KHDRBS2: variants seen among roughly 807,000 people sequenced by gnomAD.
KHDRBS2 encodes the protein KH RNA binding domain containing, signal transduction associated 2, also known as KH domain-containing, RNA-binding, signal transduction-associated protein 2.
KHDRBS2 carries 26 observed loss-of-function variants against 44.3 expected under a neutral mutation model. The ratio of observed to expected loss-of-function variants is 0.59; its 90% CI spans 0.43 to 0.81. The LOEUF is 0.81. Ranked by LOEUF, KHDRBS2 falls within the 40% of genes least tolerant of loss-of-function variation. The pLI, the probability that KHDRBS2 is intolerant of heterozygous loss-of-function variation, is 0.00. For missense variants in KHDRBS2, 476 were observed against 433.1 expected, an observed-to-expected ratio of 1.10 and a Z score of -0.88; for synonymous variants, 194 against 151.1, an observed-to-expected ratio of 1.28 and a Z score of -2.08.
At chr6:62,092,454 T>A (rs1487804924) in intron 2 of KHDRBS2, among the ~76,000 whole-genome samples, 2 of 152,220 alleles carry the variant, frequency 1.3e-5, no homozygotes, top group Non-Finnish European at 2.9e-5. Context: ...ATAACCATTT[T>A]GCCAGATTCT....
At chr6:62,082,616 T>A (rs1344376245) in intron 2 of KHDRBS2, among the ~76,000 whole-genome samples, 1 of 152,122 alleles carries the variant, frequency 6.6e-6, no homozygotes, top group South Asian at 2.1e-4. Context: ...GACATTTTCT[T>A]GGGATGTTTA....
the KHDRBS2 span, among the ~76,000 whole-genome samples, chr6:61,547,506 C>A: frequency 6.6e-6 from 1 of 152,164 alleles, no homozygotes; most frequent in African/African-American, 2.4e-5. Flanking sequence ...ACTTTATATA[C>A]TAGTACCCAG....
At chr6:61,952,758 T>A (rs9345811) in intron 4 of KHDRBS2, among the ~76,000 whole-genome samples, 52,025 of 151,868 alleles carry the variant, frequency 0.34, 9,076 homozygotes, top group Middle Eastern at 0.41. Context: ...ATTACACATG[T>A]TCTCAAAATG....
rs183815685 is a variant in KHDRBS2 at position 62,208,976 on chromosome 6, G to T, written c.92-31664C>A. On this transcript the variant is annotated intron_variant, in intron 1 of 8. Coordinates refer to ENST00000281156, the MANE Select transcript of KHDRBS2 (RefSeq NM_152688.4). ...TTTGTATATCACACCACAAGCTCAG[G>T]CTACAAAAGCAAAAAATAAATAAAT... 7.0e-3 allele frequency among the ~76,000 whole-genome samples: 1,067 copies of T among 152,130 alleles called. 5 individuals carry two copies. Among genetic ancestry groups the T allele is most frequent in the Middle Eastern group, 0.031 (9 of 294 alleles).
chr6:61,982,277 C>T (rs1281704277), intron 3 of KHDRBS2, among the ~76,000 whole-genome samples: 1 of 152,072 alleles, frequency 6.6e-6, no homozygotes, highest in Non-Finnish European at 1.5e-5. Flanking sequence ...TACTGGATAG[C>T]ATGCTTTGTC....
intron 2 of KHDRBS2, among the ~76,000 whole-genome samples, chr6:62,146,410 C>A (rs1335999136): frequency 6.6e-6 from 1 of 151,560 alleles, no homozygotes; most frequent in Non-Finnish European, 1.5e-5. Flanking sequence ...CTTCTCTCTA[C>A]TATTCCTTAC....
At position 62,239,987 on chromosome 6, in the gene KHDRBS2, A is replaced by G. The variant is rs1360265453; in HGVS notation, c.91+45871T>C. 3.9e-5 allele frequency among the ~76,000 whole-genome samples: 6 copies of G among 151,936 alleles called. No homozygotes were observed. In the East Asian group the frequency reaches 1.2e-3, roughly 29 times the overall value. On this transcript the variant is annotated intron_variant, in intron 1 of 8. Coordinates refer to ENST00000281156, the MANE Select transcript of KHDRBS2 (RefSeq NM_152688.4). ...GGCATGAGCCACAGTACCAGGCCTT[A>G]AACTTTTTTTTTAAATACAAAATTT...
Position 62,062,417 on chromosome 6 carries a change from T to C in KHDRBS2, c.220-14423A>G, listed in dbSNP as rs995724876. Among the ~76,000 whole-genome samples the C allele has an allele frequency of 5.2e-4, 78 of 149,572 alleles. No homozygotes were observed. In the Middle Eastern group the frequency reaches 0.01, roughly 20 times the overall value. On this transcript the variant is annotated intron_variant, in intron 2 of 8. Transcript: ENST00000281156. ...AGCAAATGTAAAAGAACAGAAATTA[T>C]AACAAACTATCTCTCAGACCACAGT...
intron 2 of KHDRBS2, among the ~76,000 whole-genome samples, chr6:62,092,615 C>T (rs1799694480): frequency 6.6e-6 from 1 of 152,136 alleles, no homozygotes; most frequent in Non-Finnish European, 1.5e-5. Flanking sequence ...CATTGTAACT[C>T]TGCCTCTTCT....
chr6:62,073,321 T>C (rs1584523041), intron 2 of KHDRBS2, among the ~76,000 whole-genome samples: 1 of 151,776 alleles, frequency 6.6e-6, no homozygotes, highest in East Asian at 2.0e-4. Flanking sequence ...TTTCATCTCA[T>C]CTACATTATT....
the KHDRBS2 span, among the ~76,000 whole-genome samples, chr6:61,553,472 C>A: frequency 6.6e-6 from 1 of 152,018 alleles, no homozygotes; most frequent in Non-Finnish European, 1.5e-5. Flanking sequence ...ATTCATTCAT[C>A]ATTTGCATGA....
chr6:62,127,937 GT>G (rs925143134), intron 2 of KHDRBS2, among the ~76,000 whole-genome samples: 4 of 152,102 alleles, frequency 2.6e-5, no homozygotes, highest in Admixed American at 1.3e-4. Flanking sequence ...ACCATGGCTT[GT>G]GCTGAGAAGC....
At chr6:61,785,527 A>C (rs981497415) in intron 6 of KHDRBS2, among the ~76,000 whole-genome samples, 1 of 152,032 alleles carries the variant, frequency 6.6e-6, no homozygotes, top group African/African-American at 2.4e-5. Flanking sequence ...TTGAAAAATA[A>C]AATGTGTGTT....
At chr6:61,774,647 A>G (rs1365662728) in intron 6 of KHDRBS2, among the ~76,000 whole-genome samples, 1 of 152,206 alleles carries the variant, frequency 6.6e-6, no homozygotes, top group Non-Finnish European at 1.5e-5. Context: ...TGAGGCAATA[A>G]TCAATAGCTT....
At chr6:61,545,479 G>A in the KHDRBS2 span, among the ~76,000 whole-genome samples, 13 of 146,014 alleles carry the variant, frequency 8.9e-5, no homozygotes, top group Non-Finnish European at 1.5e-4. Flanking sequence ...TAGCTCATAC[G>A]TAAAATATTT....
rs115762115 is a variant in KHDRBS2 at position 61,701,993 on chromosome 6, T to G, written c.894-4740A>C. 2.1e-3 allele frequency among the ~76,000 whole-genome samples: 313 copies of G among 152,114 alleles called. 3 individuals are homozygous for G. The highest frequency in any genetic ancestry group is 6.8e-3 in the African/African-American group (282 of 41,548). Reference sequence around the variant, plus strand: ...TTTCTAGAGGTCCTGGATTTTGGACTGGTTGCAGTAATTGGAATGAAACTT... The same window carrying G: ...TTTCTAGAGGTCCTGGATTTTGGACGGGTTGCAGTAATTGGAATGAAACTT... On this transcript the variant is annotated intron_variant, in intron 7 of 8. Transcript: ENST00000281156.
the KHDRBS2 span, among the ~76,000 whole-genome samples, chr6:61,663,310 T>G: frequency 2.1e-5 from 3 of 141,420 alleles, no homozygotes; most frequent in Non-Finnish European, 4.6e-5. Context: ...AAATGATGAG[T>G]TAATGGATGC....
rs371985206 is a variant in KHDRBS2, at chr6:61,899,755, C to T, written c.611+1489G>A. ...AATGCCCCCCCCCCGCATTTTAAGGCATACAAAATAGAAAAGTGTGTGCCC... is the reference window on the plus strand; with the variant it reads ...AATGCCCCCCCCCCGCATTTTAAGGTATACAAAATAGAAAAGTGTGTGCCC... On this transcript the variant is annotated intron_variant, in intron 5 of 8. Coordinates refer to ENST00000281156, the MANE Select transcript of KHDRBS2 (RefSeq NM_152688.4). Among the ~76,000 whole-genome samples, 4 of 123,580 alleles carry T rather than the reference C, an allele frequency of 3.2e-5. No individual in the cohort carries two copies. The East Asian group carries it at 1.1e-3, about 34-fold the overall frequency. 81.1% of individuals were successfully genotyped at this position (123,580 alleles called of 152,430 possible).
chr6:62,092,495 A>G (rs1799672306), intron 2 of KHDRBS2, among the ~76,000 whole-genome samples: 1 of 152,298 alleles, frequency 6.6e-6, no homozygotes, highest in South Asian at 2.1e-4. Flanking sequence ...TGGAATGGTA[A>G]GAAGTAATGT....
Sources: allele counts gnomAD v4.1 joint callset (sites outside exome capture counted in the v4.1 genomes callset), GRCh38; gene constraint gnomAD v4.1.1; transcripts MANE v1.5; gene names NCBI Gene and HGNC (gene_info 2026-07-23, HGNC 2026-07-21).